DOCK1: variants seen among roughly 807,000 people sequenced by gnomAD.
DOCK1 encodes dedicator of cytokinesis 1, also known as dedicator of cytokinesis protein 1.
In DOCK1, 138 loss-of-function variants were observed where a neutral mutation model predicts 262.7. That is an observed-to-expected ratio of 0.53 (90% CI 0.46 to 0.61). The LOEUF (loss-of-function observed/expected upper bound fraction) is 0.61. Among genes scored for constraint, DOCK1 ranks in the 20% least tolerant of loss-of-function variants. DOCK1 has a pLI of 0.00. For missense variants in DOCK1, 1,908 were observed against 2,370.7 expected (o/e 0.80, Z 4.05); for synonymous variants, 866 against 867.4 (o/e 1.00, Z 0.03).
intron 19 of DOCK1, among the ~76,000 whole-genome samples, chr10:127,038,355 A>G (rs115472738): frequency 4.1e-3 from 624 of 152,306 alleles, no homozygotes; most frequent in African/African-American, 0.014. Flanking sequence ...AATCAACCTC[A>G]TCGTGGGTTC....
chr10:127,414,612 T>G (rs56408525), intron 43 of DOCK1, among the ~76,000 whole-genome samples: 13,879 of 152,238 alleles, frequency 0.091, 786 homozygotes, highest in East Asian at 0.2. Flanking sequence ...TGGTTTTTCC[T>G]CCTGCTCTTT....
chr10:127,229,802 T>G (rs1412193635), intron 27 of DOCK1, among the ~76,000 whole-genome samples: 1 of 152,190 alleles, frequency 6.6e-6, no homozygotes, highest in Non-Finnish European at 1.5e-5. Flanking sequence ...TCGAGGACCC[T>G]CCATTGTGCT....
At chr10:127,065,865 TGATAA>T (rs2045837600) in intron 23 of DOCK1, among the ~76,000 whole-genome samples, 1 of 146,684 alleles carries the variant, frequency 6.8e-6, no homozygotes, top group African/African-American at 2.5e-5. Context: ...GAAAAAAAAA[TGATAA>T]AAGAAAAGAC....
intron 25 of DOCK1, 122 bp from the exon 26 acceptor site, chr10:127,125,352 G>A (rs1387497448): frequency 9.4e-6 from 13 of 1,378,708 alleles, no homozygotes; most frequent in African/African-American, 2.9e-5. Context: ...CCCTCCAGAT[G>A]TCAGTTCCAC....
chr10:127,178,460 C>T (rs770775901), intron 27 of DOCK1, among the ~76,000 whole-genome samples: 26 of 152,116 alleles, frequency 1.7e-4, no homozygotes, highest in Non-Finnish European at 2.9e-4. Flanking sequence ...TAGCACCGCT[C>T]CCTCCCAGTG....
At chr10:126,913,619 G>T (rs1226685809) in intron 1 of DOCK1, among the ~76,000 whole-genome samples, 2 of 152,210 alleles carry the variant, frequency 1.3e-5, no homozygotes, top group Non-Finnish European at 2.9e-5. Context: ...TACAAGCTCA[G>T]TTTTGGCCTG....
intron 51 of DOCK1, among the ~76,000 whole-genome samples, chr10:127,448,942 G>A (rs1310183808): frequency 6.6e-6 from 1 of 152,098 alleles, no homozygotes; most frequent in Non-Finnish European, 1.5e-5. Flanking sequence ...GAGAGAGGGT[G>A]TTTGTGTACA....
intron 24 of DOCK1, among the ~76,000 whole-genome samples, chr10:127,107,437 T>C (rs985083921): frequency 6.6e-6 from 1 of 152,204 alleles, no homozygotes; most frequent in South Asian, 2.1e-4. Flanking sequence ...TAGGATTTAG[T>C]GTCCTGCAGG....
intron 23 of DOCK1, among the ~76,000 whole-genome samples, chr10:127,072,772 C>T (rs1164607917): frequency 6.6e-6 from 1 of 152,194 alleles, no homozygotes; most frequent in African/African-American, 2.4e-5. Context: ...CCTCCCAGCA[C>T]TGCCATGGTG....
At chr10:127,242,106 A>G (rs542292504) in intron 27 of DOCK1, among the ~76,000 whole-genome samples, 70 of 152,238 alleles carry the variant, frequency 4.6e-4, no homozygotes, top group African/African-American at 1.6e-3. Context: ...TCCTGCTTCC[A>G]GAATTCTCTT....
In DOCK1 at chr10:127,176,206, G is replaced by C; in HGVS notation, c.2847+48442G>C. 1.2e-6 allele frequency: 2 copies of C among 1,614,146 alleles called. No homozygotes were observed. The highest frequency in any genetic ancestry group is 1.3e-5 in the African/African-American group (1 of 75,044). The stretch of plus-strand genomic sequence containing the variant: ...TTCTCCCCCAGCTGGCCCGAGGACA[G>C]CTGTGTGTCCCTCTGCTCATTCTGT... On this transcript the variant is annotated intron_variant, in intron 27 of 51. Coordinates refer to ENST00000623213, the MANE Select transcript of DOCK1 (RefSeq NM_001290223.2). The surrounding 1 kb of genome is among the most constrained non-coding windows in gnomAD (Gnocchi z 4.4).
At chr10:126,928,193 C>T (rs1465500147) in intron 1 of DOCK1, among the ~76,000 whole-genome samples, 9 of 152,284 alleles carry the variant, frequency 5.9e-5, no homozygotes, top group South Asian at 2.1e-4. Flanking sequence ...AGAAAGGACT[C>T]GGAGCCTCCC....
intron 29 of DOCK1, among the ~76,000 whole-genome samples, chr10:127,278,015 C>T (rs2060806340): frequency 6.6e-6 from 1 of 152,136 alleles, no homozygotes; most frequent in Non-Finnish European, 1.5e-5. Flanking sequence ...ATGGAGCACG[C>T]ACACAGCTGT....
intron 27 of DOCK1, among the ~76,000 whole-genome samples, chr10:127,179,561 C>T (rs1482757405): frequency 6.6e-6 from 1 of 152,082 alleles, no homozygotes; most frequent in Non-Finnish European, 1.5e-5. Context: ...TTTTCTAAAG[C>T]TTTAAAATTG....
At chr10:126,957,503 A>G (rs2036845081) in intron 1 of DOCK1, among the ~76,000 whole-genome samples, 1 of 152,132 alleles carries the variant, frequency 6.6e-6, no homozygotes, top group Non-Finnish European at 1.5e-5. Context: ...TATTTTTTTC[A>G]GAGCCAGAGT....
At chr10:126,960,743 TATACAC>T (rs1379320202) in intron 1 of DOCK1, among the ~76,000 whole-genome samples, 88 of 127,586 alleles carry the variant, frequency 6.9e-4, no homozygotes, top group African/African-American at 2.5e-3. Context: ...TATATATATA[TATACAC>T]ACACACACAC....
At chr10:126,907,247 C>T (rs369714477) in intron 1 of DOCK1, among the ~76,000 whole-genome samples, 6 of 152,252 alleles carry the variant, frequency 3.9e-5, no homozygotes, top group African/African-American at 1.4e-4. Context: ...GGGAACCTAG[C>T]ACCAGCACAC....
chr10:127,280,003 TTATTTCATATATATATATATATATA>T (rs1405640799), intron 29 of DOCK1, among the ~76,000 whole-genome samples: 2 of 128,934 alleles, frequency 1.6e-5, no homozygotes, highest in African/African-American at 5.7e-5. Context: ...TTTTAAAATT[TTATTTCATATATATATATATATATA>T]TATATAATTT....
chr10:127,300,850 C>T (rs923341004), intron 29 of DOCK1, among the ~76,000 whole-genome samples: 3 of 152,314 alleles, frequency 2.0e-5, no homozygotes, highest in Non-Finnish European at 4.4e-5. Context: ...ATCCGTTCCT[C>T]CTTGCCATTT....
Sources: gnomAD v4.1 joint callset for allele counts (sites outside exome capture counted in the v4.1 genomes callset) on GRCh38, gnomAD v4.1.1 for gene constraint, Gnocchi (gnomAD v3.1) non-coding constraint, MANE v1.5 for transcripts, NCBI Gene and HGNC (gene_info 2026-07-23, HGNC 2026-07-21) for gene names.